Variants in NKAIN3 observed in about 807,000 individuals in gnomAD.
The protein encoded by NKAIN3 is sodium/potassium transporting ATPase interacting 3.
A neutral mutation model predicts 30.2 loss-of-function variants in NKAIN3; 25 were observed. That is an observed-to-expected ratio of 0.83 (90% CI 0.60 to 1.16). The LOEUF (loss-of-function observed/expected upper bound fraction) is 1.16. NKAIN3 is among the 50% of genes most tolerant of loss of function. NKAIN3 has a pLI of 0.00. For synonymous variants in NKAIN3, 91 were observed against 89.6 expected, an observed-to-expected ratio of 1.02 and a Z score of -0.09; for missense variants, 225 against 254.1, an observed-to-expected ratio of 0.89 and a Z score of 0.78.
chr8:62,843,096 G>A (rs1392546490), intron 4 of NKAIN3, among the ~76,000 whole-genome samples: 1 of 151,760 alleles, frequency 6.6e-6, no homozygotes, highest in Non-Finnish European at 1.5e-5. Flanking sequence ...GCAAACCATG[G>A]GTCTTTACAA....
intron 3 of NKAIN3, among the ~76,000 whole-genome samples, chr8:62,705,165 A>C (rs959741594): frequency 6.6e-6 from 1 of 152,210 alleles, no homozygotes; most frequent in Non-Finnish European, 1.5e-5. Flanking sequence ...AAGGTACGTC[A>C]TATTTGATAT....
intron 1 of NKAIN3, among the ~76,000 whole-genome samples, chr8:62,446,025 G>A (rs1805476295): frequency 6.6e-6 from 1 of 152,184 alleles, no homozygotes; most frequent in African/African-American, 2.4e-5. Flanking sequence ...TGAAGTCATA[G>A]CAATTGTAAC....
chr8:62,451,662 C>T lies in NKAIN3; in HGVS notation c.55-127877C>T, dbSNP rs115830564. 8.9e-4 allele frequency among the ~76,000 whole-genome samples: 136 copies of T among 152,266 alleles called. 1 individual carries two copies. The highest frequency in any genetic ancestry group is 3.2e-3 in the African/African-American group (133 of 41,572). On this transcript the variant is annotated intron_variant, in intron 1 of 6. Transcript: ENST00000623646. ...AAAATATATTACTTAAAATCATTCA[C>T]AGTCAAGTATCTTGAGGCTTTTATG...
chr8:62,276,279 T>G (rs371330676), intron 1 of NKAIN3, among the ~76,000 whole-genome samples: 1 of 152,148 alleles, frequency 6.6e-6, no homozygotes, highest in African/African-American at 2.4e-5. Flanking sequence ...TTGGCTAGGC[T>G]TGTATCGAAC....
intron 1 of NKAIN3, among the ~76,000 whole-genome samples, chr8:62,556,051 T>C (rs1272664912): frequency 6.6e-6 from 1 of 151,980 alleles, no homozygotes; most frequent in Non-Finnish European, 1.5e-5. Context: ...GTATATTCTT[T>C]AGGAGGAAAA....
rs1406198873 is a variant in NKAIN3 at position 62,528,422 on chromosome 8, C to T, written c.55-51117C>T. Among the ~76,000 whole-genome samples the T allele has an allele frequency of 4.0e-5, 6 of 150,106 alleles. No individual in the cohort carries two copies. The Admixed American group carries it at 4.0e-4, about 10-fold the overall frequency. ...AGGACTTAAAAATGCCAGTTTGTCA[C>T]TGTGGTGGGCTTTGTGGTTCCTTCT... is the stretch of plus-strand genomic sequence containing the variant. On this transcript the variant is annotated intron_variant, in intron 1 of 6. Coordinates refer to ENST00000623646, the MANE Select transcript of NKAIN3 (RefSeq NM_001304533.3).
At chr8:62,480,853 C>T (rs1806697808) in intron 1 of NKAIN3, among the ~76,000 whole-genome samples, 1 of 151,980 alleles carries the variant, frequency 6.6e-6, no homozygotes, top group Non-Finnish European at 1.5e-5. Context: ...TCTTAGGGAA[C>T]AGAAAGTGGA....
chr8:62,756,393 T>C (rs530156498), intron 4 of NKAIN3, among the ~76,000 whole-genome samples: 2 of 152,342 alleles, frequency 1.3e-5, no homozygotes, highest in East Asian at 3.9e-4. Context: ...ATGTAGCATG[T>C]ATCAGAACTT....
At chr8:62,917,587 T>G (rs984226199) in intron 4 of NKAIN3, among the ~76,000 whole-genome samples, 3 of 152,220 alleles carry the variant, frequency 2.0e-5, no homozygotes, top group Admixed American at 2.0e-4. Flanking sequence ...ACACCAGGAC[T>G]ATCAGAAAAA....
chr8:62,601,420 C>T (rs1323192249), intron 3 of NKAIN3, among the ~76,000 whole-genome samples: 2 of 151,946 alleles, frequency 1.3e-5, no homozygotes, highest in Non-Finnish European at 2.9e-5. Flanking sequence ...CAAACTATGC[C>T]CACTTCTGGA....
chr8:62,426,602 A>T lies in NKAIN3; in HGVS notation c.55-152937A>T, dbSNP rs571847974. 2.0e-5 allele frequency among the ~76,000 whole-genome samples: 3 copies of T among 152,104 alleles called. No homozygotes were observed. The South Asian group carries it at 6.2e-4, about 32-fold the overall frequency. On this transcript the variant is annotated intron_variant, in intron 1 of 6. Transcript: ENST00000623646. ...ATTAGCCATTTAACCTTGGAAGACC[A>T]TGTATCTGCAGTGCTTTCCCAAACT...
intron 3 of NKAIN3, among the ~76,000 whole-genome samples, chr8:62,608,999 A>G (rs16929279): frequency 0.098 from 14,892 of 152,162 alleles, 1,007 homozygotes; most frequent in East Asian, 0.27. Flanking sequence ...AATGTTTTCA[A>G]CTTAGTAAGC....
chr8:62,352,432 AAAG>A (rs1338777944), intron 1 of NKAIN3, among the ~76,000 whole-genome samples: 53 of 152,176 alleles, frequency 3.5e-4, no homozygotes, highest in Admixed American at 3.5e-3. Context: ...AAGTGCTTTG[AAAG>A]AAGAAGCAAC....
At chr8:62,381,502 A>C (rs993676647) in intron 1 of NKAIN3, among the ~76,000 whole-genome samples, 4 of 151,798 alleles carry the variant, frequency 2.6e-5, no homozygotes, top group African/African-American at 9.7e-5. Flanking sequence ...ATATACATAT[A>C]TATATACATA....
At chr8:62,483,688 G>T in intron 1 of NKAIN3, 2 of 273,900 alleles carry the variant, frequency 7.3e-6, no homozygotes, top group Non-Finnish European at 7.2e-6. Context: ...GAGGTTGTCA[G>T]GGACAATAAG....
chr8:62,886,506 C>T (rs944194184), intron 4 of NKAIN3, among the ~76,000 whole-genome samples: 6 of 152,152 alleles, frequency 3.9e-5, no homozygotes, highest in African/African-American at 1.4e-4. Flanking sequence ...ACCTATATTA[C>T]TTTACAGCTC....
chr8:62,275,058 G>A (rs13261910), intron 1 of NKAIN3, among the ~76,000 whole-genome samples: 90,338 of 151,810 alleles, frequency 0.6, 27,107 homozygotes, highest in East Asian at 0.68. Context: ...ATAAACATAC[G>A]TGTGCATGTG....
rs1813783982 is a variant in NKAIN3 at position 62,685,823 on chromosome 8, C to CT, written c.274-61108dup. ...TATTAAGTCTTTTGGATAAAGTGTTCTCAGATAATTGGCAGATAATTTAGG... is the reference window on the plus strand; with the variant it reads ...TATTAAGTCTTTTGGATAAAGTGTTCTTCAGATAATTGGCAGATAATTTAGG... On this transcript the variant is annotated intron_variant, in intron 3 of 6. Transcript: ENST00000623646. Among the ~76,000 whole-genome samples, 3 of 152,298 alleles carry CT rather than the reference C, an allele frequency of 2.0e-5. No individual in the cohort carries two copies. The South Asian group carries it at 6.2e-4, about 32-fold the overall frequency.
At chr8:62,840,699 A>G (rs1276245511) in intron 4 of NKAIN3, among the ~76,000 whole-genome samples, 4 of 152,168 alleles carry the variant, frequency 2.6e-5, no homozygotes, top group Non-Finnish European at 5.9e-5. Flanking sequence ...ATAGTATTAC[A>G]TACCTCTTCA....
Sources: allele counts gnomAD v4.1 joint callset (sites outside exome capture counted in the v4.1 genomes callset), GRCh38; gene constraint gnomAD v4.1.1; transcripts MANE v1.5; gene names NCBI Gene and HGNC (gene_info 2026-07-23, HGNC 2026-07-21).